Variants in THRB observed in about 807,000 individuals in gnomAD.
The protein encoded by THRB is nuclear receptor subfamily 1 group A member 2.
In THRB, 12 loss-of-function variants were observed where a neutral mutation model predicts 47.8. The ratio of observed to expected loss-of-function variants is 0.25; its 90% CI spans 0.16 to 0.41. THRB has a LOEUF of 0.41. THRB is among the 10% of genes least tolerant of loss of function. The pLI is 1.00. For synonymous variants in THRB, 218 were observed against 212.2 expected (o/e 1.03, Z -0.24); for missense variants, 348 against 589.2 (o/e 0.59, Z 4.24).
intron 2 of THRB, among the ~76,000 whole-genome samples, chr3:24,297,639 T>C (rs2056558149): frequency 6.6e-6 from 1 of 152,260 alleles, no homozygotes; most frequent in African/African-American, 2.4e-5. Flanking sequence ...AGTTAAATGA[T>C]GTGAGGTTCC....
At chr3:24,334,849 C>G (rs2062141884) in intron 2 of THRB, among the ~76,000 whole-genome samples, 1 of 152,182 alleles carries the variant, frequency 6.6e-6, no homozygotes, top group Non-Finnish European at 1.5e-5. Context: ...TCTGTACAAT[C>G]TTAGGAGGCA....
At chr3:24,474,044 C>T (rs1190179380) in intron 1 of THRB, among the ~76,000 whole-genome samples, 3 of 152,098 alleles carry the variant, frequency 2.0e-5, no homozygotes, top group Non-Finnish European at 2.9e-5. Flanking sequence ...AACCACCATG[C>T]CACGTGTATA....
intron 5 of THRB, among the ~76,000 whole-genome samples, chr3:24,155,809 A>G (rs779225103): frequency 1.5e-4 from 23 of 152,326 alleles, no homozygotes; most frequent in Middle Eastern, 3.4e-3. Context: ...AACAAATACT[A>G]CAGACACAAT....
intron 8 of THRB, among the ~76,000 whole-genome samples, chr3:24,136,422 T>C (rs2034685041): frequency 6.6e-6 from 1 of 152,212 alleles, no homozygotes; most frequent in African/African-American, 2.4e-5. Flanking sequence ...ACCCGAGTTA[T>C]TATCAGGTTA....
intron 1 of THRB, among the ~76,000 whole-genome samples, chr3:24,340,469 T>G (rs2062558991): frequency 6.6e-6 from 1 of 150,824 alleles, no homozygotes; most frequent in Non-Finnish European, 1.5e-5. Context: ...CTAGATTGAT[T>G]GCATTGTATT....
At chr3:24,261,508 A>AAC (rs1457719023) in intron 3 of THRB, among the ~76,000 whole-genome samples, 1 of 150,240 alleles carries the variant, frequency 6.7e-6, no homozygotes, top group Non-Finnish European at 1.5e-5. Flanking sequence ...AAAAAAAAAA[A>AAC]AAAAAAAAAA....
intron 1 of THRB, among the ~76,000 whole-genome samples, chr3:24,420,811 A>C (rs1560145639): frequency 6.6e-6 from 1 of 151,914 alleles, no homozygotes; most frequent in Non-Finnish European, 1.5e-5. Context: ...AGACCTAAAA[A>C]CAGAAATACC....
intron 1 of THRB, among the ~76,000 whole-genome samples, chr3:24,358,390 T>G (rs1335508093): frequency 1.3e-5 from 2 of 150,134 alleles, no homozygotes; most frequent in Non-Finnish European, 2.9e-5. Context: ...AAAACTTGTC[T>G]GGTACTTTAA....
intron 2 of THRB, among the ~76,000 whole-genome samples, chr3:24,336,050 G>A (rs1018723639): frequency 5.5e-4 from 83 of 152,248 alleles, no homozygotes; most frequent in Admixed American, 3.8e-3. Context: ...AAAAGGAGAG[G>A]GCTATTTGTA....
At chr3:24,476,818 T>C (rs1032133310) in intron 1 of THRB, among the ~76,000 whole-genome samples, 25 of 151,956 alleles carry the variant, frequency 1.6e-4, no homozygotes, top group African/African-American at 6.1e-4. Flanking sequence ...ATTCTTATTG[T>C]TATTGCCTTG....
rs958056838 is a variant in THRB, at chr3:24,346,362, G to A, written c.-260-8991C>T. On this transcript the variant is annotated intron_variant, in intron 1 of 10. Transcript: ENST00000646209. The stretch of plus-strand genomic sequence containing the variant: ...ATAAATGACTAACAAGCCAGTAGAG[G>A]TGAAATATTTCATTAATTCAAAATA... Among the ~76,000 whole-genome samples, 3 of 151,962 alleles carry A rather than the reference G, an allele frequency of 2.0e-5. No individual in the cohort carries two copies. The South Asian group carries it at 6.2e-4, about 32-fold the overall frequency.
At chr3:24,445,690 T>C (rs2072001471) in intron 1 of THRB, among the ~76,000 whole-genome samples, 1 of 152,146 alleles carries the variant, frequency 6.6e-6, no homozygotes. Context: ...TAAATTAATA[T>C]CTTTGGCCAC....
chr3:24,209,896 C>T (rs953335869), intron 4 of THRB, among the ~76,000 whole-genome samples: 1 of 151,948 alleles, frequency 6.6e-6, no homozygotes, highest in African/African-American at 2.4e-5. Flanking sequence ...GAAAGTCTGG[C>T]CTGAGATATT....
At chr3:24,321,867 T>A (rs1185063839) in intron 2 of THRB, among the ~76,000 whole-genome samples, 11 of 152,194 alleles carry the variant, frequency 7.2e-5, no homozygotes, top group Non-Finnish European at 2.9e-5. Flanking sequence ...AAAAATAGAA[T>A]GTAGAATATC....
chr3:24,409,143 A>G (rs975639600), intron 1 of THRB, among the ~76,000 whole-genome samples: 1 of 151,818 alleles, frequency 6.6e-6, no homozygotes, highest in African/African-American at 2.4e-5. Flanking sequence ...GGTACCCGAA[A>G]TGTCATAGGG....
At chr3:24,252,419 A>G (rs938550699) in intron 3 of THRB, among the ~76,000 whole-genome samples, 1 of 152,084 alleles carries the variant, frequency 6.6e-6, no homozygotes, top group Non-Finnish European at 1.5e-5. Flanking sequence ...AAAAAAAATC[A>G]CAGTTGAATC....
chr3:24,127,929 T>G (rs770252604), intron 9 of THRB, among the ~76,000 whole-genome samples, 172 bp from the exon 10 acceptor site: 1 of 152,214 alleles, frequency 6.6e-6, no homozygotes, highest in African/African-American at 2.4e-5. Context: ...TCGACAACCA[T>G]TTTTCATACT....
At chr3:24,236,455 A>C (rs1196011243) in intron 3 of THRB, among the ~76,000 whole-genome samples, 1 of 151,440 alleles carries the variant, frequency 6.6e-6, no homozygotes, top group Non-Finnish European at 1.5e-5. Flanking sequence ...CTTTATTATT[A>C]TAGGCATCAT....
intron 3 of THRB, among the ~76,000 whole-genome samples, chr3:24,255,189 T>A (rs529409281): frequency 1.3e-5 from 2 of 152,294 alleles, no homozygotes; most frequent in East Asian, 3.9e-4. Context: ...AAAGCACAGA[T>A]CTTAGATCAA....
Sources: gnomAD v4.1 joint callset for allele counts (sites outside exome capture counted in the v4.1 genomes callset) on GRCh38, gnomAD v4.1.1 for gene constraint, MANE v1.5 for transcripts, NCBI Gene and HGNC (gene_info 2026-07-23, HGNC 2026-07-21) for gene names.